Variants in SUPT3H observed in about 807,000 individuals in gnomAD.
SUPT3H encodes the protein SPT3 homolog, SAGA and STAGA complex component, also known as transcription initiation protein SPT3 homolog.
Under a neutral mutation model 44.3 loss-of-function variants are expected in SUPT3H, and 44 were observed. The ratio of observed to expected loss-of-function variants is 0.99; its 90% CI spans 0.78 to 1.28. The LOEUF is 1.28. Among genes scored for constraint, SUPT3H ranks in the 50% most tolerant of loss-of-function variants. The probability of loss-of-function intolerance (pLI) is 0.00; values close to 1 mark genes in which losing one functional copy is unlikely to be tolerated. For missense variants in SUPT3H, 380 were observed against 387.1 expected, an observed-to-expected ratio of 0.98 and a Z score of 0.15; for synonymous variants, 124 against 125.6, an observed-to-expected ratio of 0.99 and a Z score of 0.09.
chr6:45,077,284 C>T, intron 3 of SUPT3H, among the ~76,000 whole-genome samples: 1 of 152,072 alleles, frequency 6.6e-6, no homozygotes, highest in South Asian at 2.1e-4. Context: ...AGATAGAAGG[C>T]CTTGTCCATA....
rs1415886341 is a variant in SUPT3H at position 45,371,831 on chromosome 6, A to C, written c.-1+5937T>G. 3 of 984,380 alleles carry C rather than the reference A, an allele frequency of 3.0e-6. No homozygotes were observed. In the African/African-American group the frequency reaches 5.2e-5, roughly 17 times the overall value. 61.0% of individuals were successfully genotyped at this position (984,380 alleles called of 1,614,324 possible). On this transcript the variant is annotated intron_variant, in intron 1 of 10. Transcript: ENST00000371459. ...GGGAGGGAACCAAAGACATCTGAGC[A>C]GACTTCAGAACTACAGTTTGAAAAT...
chr6:45,342,049 T>G (rs1334874357), intron 2 of SUPT3H, among the ~76,000 whole-genome samples: 1 of 149,328 alleles, frequency 6.7e-6, no homozygotes, highest in Non-Finnish European at 1.5e-5. Context: ...GTTGAAGAGA[T>G]ATTACAAAGA....
chr6:45,281,308 G>A (rs955247834), intron 2 of SUPT3H, among the ~76,000 whole-genome samples: 4 of 152,226 alleles, frequency 2.6e-5, no homozygotes, highest in East Asian at 1.9e-4. Context: ...CATCACCCGC[G>A]AAGCGCAAGG....
intron 2 of SUPT3H, among the ~76,000 whole-genome samples, chr6:45,223,554 T>C (rs1314452697): frequency 6.6e-6 from 1 of 151,928 alleles, no homozygotes; most frequent in African/African-American, 2.4e-5. Context: ...ATATAAATCA[T>C]ACCCTACAAA....
chr6:45,012,541 A>G (rs193162368), intron 5 of SUPT3H, among the ~76,000 whole-genome samples: 2 of 152,094 alleles, frequency 1.3e-5, no homozygotes, highest in African/African-American at 4.8e-5. Context: ...TTACTTTGTG[A>G]GACGCTATTA....
chr6:45,042,192 G>A (rs1788644902), intron 3 of SUPT3H, among the ~76,000 whole-genome samples: 1 of 152,166 alleles, frequency 6.6e-6, no homozygotes, highest in Non-Finnish European at 1.5e-5. Context: ...GGAGGCCGAG[G>A]CAGGCTGATC....
At chr6:44,831,970 T>C (rs894184916) in intron 10 of SUPT3H, among the ~76,000 whole-genome samples, 1 of 152,192 alleles carries the variant, frequency 6.6e-6, no homozygotes, top group African/African-American at 2.4e-5. Flanking sequence ...CCCAGATTTC[T>C]GTGATGTTCT....
intron 2 of SUPT3H, among the ~76,000 whole-genome samples, chr6:45,176,332 G>C (rs926050573): frequency 4.0e-4 from 60 of 151,764 alleles, no homozygotes; most frequent in African/African-American, 1.3e-3. Flanking sequence ...CTGGAAAATC[G>C]GGTCACTCCC....
At chr6:44,898,411 T>C (rs533015932) in intron 10 of SUPT3H, among the ~76,000 whole-genome samples, 2 of 152,236 alleles carry the variant, frequency 1.3e-5, no homozygotes, top group African/African-American at 2.4e-5. Context: ...AGCCCTCCCA[T>C]GGAAAACTGA....
chr6:44,954,907 T>C (rs934341205), intron 7 of SUPT3H, among the ~76,000 whole-genome samples: 12 of 152,232 alleles, frequency 7.9e-5, no homozygotes, highest in Non-Finnish European at 1.8e-4. Context: ...CTTCTCACAC[T>C]GTCAGATTTA....
intron 10 of SUPT3H, among the ~76,000 whole-genome samples, chr6:44,904,327 G>A (rs1264953825): frequency 6.6e-6 from 1 of 152,110 alleles, no homozygotes; most frequent in Non-Finnish European, 1.5e-5. Context: ...AAAGTCTCAG[G>A]ATACAAAATC....
intron 2 of SUPT3H, among the ~76,000 whole-genome samples, chr6:45,161,967 AGACAATGAC>A (rs1342544445): frequency 2.0e-5 from 3 of 152,158 alleles, no homozygotes; most frequent in Non-Finnish European, 2.9e-5. Flanking sequence ...TACTAAATAA[AGACAATGAC>A]AACCACAGCA....
chr6:45,119,217 A>T (rs1460041453), intron 2 of SUPT3H, among the ~76,000 whole-genome samples: 1 of 152,200 alleles, frequency 6.6e-6, no homozygotes, highest in Non-Finnish European at 1.5e-5. Context: ...CAACCTCCTC[A>T]TAGTATAGTT....
intron 2 of SUPT3H, among the ~76,000 whole-genome samples, chr6:45,321,417 T>C (rs1402641728): frequency 6.6e-6 from 1 of 152,152 alleles, no homozygotes; most frequent in African/African-American, 2.4e-5. Flanking sequence ...AATTAACATT[T>C]TGACACATTT....
At chr6:45,110,013 T>C (rs1199389754) in intron 2 of SUPT3H, among the ~76,000 whole-genome samples, 1 of 152,170 alleles carries the variant, frequency 6.6e-6, no homozygotes, top group Non-Finnish European at 1.5e-5. Flanking sequence ...GGAAACCTTC[T>C]GAAAAGGCTG....
At chr6:45,045,620 C>G (rs1789266550) in intron 3 of SUPT3H, among the ~76,000 whole-genome samples, 1 of 152,140 alleles carries the variant, frequency 6.6e-6, no homozygotes. Context: ...TCCTCTCTTC[C>G]TATTTGAATA....
At chr6:45,256,161 A>C (rs1295432758) in intron 2 of SUPT3H, among the ~76,000 whole-genome samples, 2 of 152,050 alleles carry the variant, frequency 1.3e-5, no homozygotes, top group Non-Finnish European at 2.9e-5. Flanking sequence ...ACAGTGCAAG[A>C]CTCTGTCTCA....
intron 2 of SUPT3H, among the ~76,000 whole-genome samples, chr6:45,176,978 G>A (rs920535983): frequency 9.9e-5 from 15 of 152,262 alleles, no homozygotes; most frequent in East Asian, 5.8e-4. Context: ...AAAAAACAGA[G>A]CAGAAAAACT....
At chr6:45,268,164 T>C (rs920908432) in intron 2 of SUPT3H, among the ~76,000 whole-genome samples, 1 of 152,174 alleles carries the variant, frequency 6.6e-6, no homozygotes, top group African/African-American at 2.4e-5. Flanking sequence ...TTATCTGGAA[T>C]ACATATATGC....
Sources: gnomAD v4.1 joint callset for allele counts (sites outside exome capture counted in the v4.1 genomes callset) on GRCh38, gnomAD v4.1.1 for gene constraint, MANE v1.5 for transcripts, NCBI Gene and HGNC (gene_info 2026-07-23, HGNC 2026-07-21) for gene names.